Variants in NECTIN3 observed in about 807,000 individuals in gnomAD.
The protein encoded by NECTIN3 is nectin-3.
In NECTIN3, 8 loss-of-function variants were observed where a neutral mutation model predicts 49.4. The ratio of observed to expected loss-of-function variants is 0.16; its 90% confidence interval spans 0.10 to 0.29. The LOEUF (loss-of-function observed/expected upper bound fraction) is 0.29. Among genes scored for constraint, NECTIN3 ranks in the 10% least tolerant of loss-of-function variants. NECTIN3 has a pLI of 1.00. For missense variants in NECTIN3, 581 were observed against 654.6 expected (o/e 0.89, Z 1.23); for synonymous variants, 277 against 241.1 (o/e 1.15, Z -1.38).
intron 5 of NECTIN3, among the ~76,000 whole-genome samples, chr3:111,131,212 G>C (rs889757776): frequency 1.3e-5 from 2 of 151,926 alleles, no homozygotes; most frequent in Non-Finnish European, 2.9e-5. Context: ...GAACTCATTA[G>C]AAAAGGAAAC....
chr3:111,143,904 A>C (rs1433648088), intron 5 of NECTIN3, among the ~76,000 whole-genome samples: 1 of 152,002 alleles, frequency 6.6e-6, no homozygotes, highest in East Asian at 1.9e-4. Flanking sequence ...ATATTATCTC[A>C]GTATCTTTTT....
At chr3:111,093,777 A>G (rs907933976) in intron 1 of NECTIN3, among the ~76,000 whole-genome samples, 7 of 152,146 alleles carry the variant, frequency 4.6e-5, no homozygotes, top group Non-Finnish European at 8.8e-5. Context: ...AAATGTTTAT[A>G]TTATTGCCTT....
At chr3:111,122,545 G>A (rs547266533) in intron 4 of NECTIN3, among the ~76,000 whole-genome samples, 3 of 152,052 alleles carry the variant, frequency 2.0e-5, no homozygotes, top group Non-Finnish European at 4.4e-5. Flanking sequence ...ATAATTTTAT[G>A]TCTACTCCTT....
chr3:111,139,269 A>C (rs775243971), downstream of NECTIN3, among the ~76,000 whole-genome samples: 3 of 151,744 alleles, frequency 2.0e-5, no homozygotes, highest in Non-Finnish European at 3.0e-5. Context: ...TGTATTTTGC[A>C]GTTTTAATCA....
chr3:111,091,318 C>T (rs1375933534), intron 1 of NECTIN3, among the ~76,000 whole-genome samples: 4 of 151,938 alleles, frequency 2.6e-5, no homozygotes, highest in Non-Finnish European at 2.9e-5. Context: ...TGCAGTGGTG[C>T]GATCTCAGCT....
intron 1 of NECTIN3, among the ~76,000 whole-genome samples, chr3:111,108,272 C>G (rs768000095): frequency 2.0e-5 from 3 of 147,884 alleles, no homozygotes; most frequent in Non-Finnish European, 4.5e-5. Flanking sequence ...AGGGGTAACT[C>G]CTTCTGGTTA....
At chr3:111,182,634 T>G (rs1022286283) in intron 7 of NECTIN3, among the ~76,000 whole-genome samples, 2 of 152,142 alleles carry the variant, frequency 1.3e-5, no homozygotes, top group African/African-American at 4.8e-5. Flanking sequence ...GATATTACTA[T>G]AGCTACTCTG....
At chr3:111,091,684 TTGTC>T (rs1182556645) in intron 1 of NECTIN3, among the ~76,000 whole-genome samples, 14 of 152,252 alleles carry the variant, frequency 9.2e-5, no homozygotes, top group Non-Finnish European at 1.5e-4. Context: ...GATATCACAT[TTGTC>T]TGTCTAGTCA....
chr3:111,186,074 A>C (rs1315938403), intron 7 of NECTIN3, among the ~76,000 whole-genome samples: 1 of 152,202 alleles, frequency 6.6e-6, no homozygotes, highest in Non-Finnish European at 1.5e-5. Context: ...CCATAAAAAA[A>C]ACAGTGAGTG....
chr3:111,089,513 T>G (rs1455488123), intron 1 of NECTIN3, among the ~76,000 whole-genome samples: 2 of 152,102 alleles, frequency 1.3e-5, no homozygotes, highest in Admixed American at 6.5e-5. Flanking sequence ...CCATGTGTAT[T>G]CAGTTCAGAA....
chr3:111,075,487 T>C (rs1447007336), intron 1 of NECTIN3, among the ~76,000 whole-genome samples: 3 of 152,086 alleles, frequency 2.0e-5, no homozygotes, highest in African/African-American at 7.2e-5. Context: ...AATGACAGAA[T>C]AGAATAAAAC....
At chr3:111,100,402 T>C (rs948266956) in intron 1 of NECTIN3, among the ~76,000 whole-genome samples, 1 of 152,170 alleles carries the variant, frequency 6.6e-6, no homozygotes, top group Non-Finnish European at 1.5e-5. Flanking sequence ...ACAAACTTGC[T>C]TTCATGCACA....
chr3:111,133,792 A>G lies in NECTIN3; in HGVS notation c.1227A>G (p.Val409=), dbSNP rs1386909290. 1 of 1,613,966 alleles carries G rather than the reference A, an allele frequency of 6.2e-7. No homozygotes were observed. Among genetic ancestry groups the G allele is most frequent in the South Asian group, 1.1e-5 (1 of 91,084 alleles). ...CAATTGCCACGATCATTGCTAGTGTAGTGGGTGGGGCTCTCTTCATAGTAC... is the reference window on the plus strand; with the variant it reads ...CAATTGCCACGATCATTGCTAGTGTGGTGGGTGGGGCTCTCTTCATAGTAC... ...DDTIATIIAS[V]VGGALFIVLV... Residue 409 remains valine, a synonymous_variant, in exon 6 of 6, where the codon GTA becomes GTG. Transcript: ENST00000485303.
At chr3:111,127,714 C>T (rs1225123567) in intron 5 of NECTIN3, among the ~76,000 whole-genome samples, 1 of 151,944 alleles carries the variant, frequency 6.6e-6, no homozygotes, top group Non-Finnish European at 1.5e-5. Flanking sequence ...CAGGTATGCA[C>T]CACCATGCCC....
rs2034472430 is a variant in NECTIN3, at chr3:111,133,694, A to G, written c.1129A>G (p.Ile377Val). The G allele has an allele frequency of 6.2e-7, 1 of 1,613,890 alleles. No individual in the cohort carries two copies. ...TIQWHPSTADIEDLATEPKKL... is the reference protein window; with the variant it reads ...TIQWHPSTADVEDLATEPKKL... ...TCAGTGGCATCCCTCAACTGCTGAC[A>G]TCGAGGATCTAGCAACAGAACCTAA... The change falls in exon 6 of 6, where the codon ATC becomes GTC. Residue 377 changes from isoleucine (I) to valine (V), a missense_variant. By Grantham distance (29) the Ile-to-Val change is conservative. This residue lies in a region of NECTIN3 where 238 missense variants were observed against 244.9 expected (regional missense o/e 0.97). Transcript: ENST00000485303.
rs2034528845 is a variant in NECTIN3 at position 111,135,023 on chromosome 3, G to A, written c.*808G>A. On this transcript the variant is annotated 3_prime_UTR_variant, in exon 6 of 6. Coordinates refer to ENST00000485303, the MANE Select transcript of NECTIN3 (RefSeq NM_015480.3). ...CATGGATTTTGGTACATTAGCAGTA[G>A]CCTTATTTTAATGCTTTATGTCCTA... 2.0e-6 allele frequency: 2 copies of A among 979,760 alleles called. No individual in the cohort carries two copies. The highest frequency in any genetic ancestry group is 2.4e-6 in the Non-Finnish European group (2 of 825,306). The allele number at this position is 979,760 out of a possible 1,614,324, so 60.7% of individuals were successfully genotyped here. A position where few individuals can be genotyped will look rare whatever the true frequency, so the allele number is the denominator to read the frequency against.
intron 5 of NECTIN3, among the ~76,000 whole-genome samples, chr3:111,127,962 G>T (rs999134459): frequency 6.6e-6 from 1 of 152,142 alleles, no homozygotes; most frequent in African/African-American, 2.4e-5. Flanking sequence ...CTTAAGGACT[G>T]TTTATTTTGT....
At chr3:111,180,935 GT>G (rs538417075) in intron 7 of NECTIN3, among the ~76,000 whole-genome samples, 27 of 151,942 alleles carry the variant, frequency 1.8e-4, no homozygotes, top group Non-Finnish European at 2.8e-4. Context: ...ACAAGTTAGA[GT>G]TTTTTTTAAA....
At position 111,094,298 on chromosome 3, in the gene NECTIN3, A is replaced by G. The variant is rs572858501; in HGVS notation, c.161-17732A>G. ...ACTTCTCAATATTTCACCCATAGGC[A>G]TAGTTTTAAAAATCATCATAATTTG... On this transcript the variant is annotated intron_variant, in intron 1 of 5. Coordinates refer to ENST00000485303, the MANE Select transcript of NECTIN3 (RefSeq NM_015480.3). 6.6e-5 allele frequency among the ~76,000 whole-genome samples: 10 copies of G among 152,270 alleles called. No individual in the cohort carries two copies. In the South Asian group the frequency reaches 2.1e-3, roughly 32 times the overall value.
Sources: gnomAD v4.1 joint callset for allele counts (sites outside exome capture counted in the v4.1 genomes callset) on GRCh38, gnomAD v4.1.1 for gene constraint, gnomAD v4.1.1 regional missense constraint, MANE v1.5 for transcripts, NCBI Gene and HGNC (gene_info 2026-07-23, HGNC 2026-07-21) for gene names.